The following VPS39 variants were observed in gnomAD, a reference collection of about 807,000 sequenced individuals.
VPS39 encodes the protein VPS39 subunit of HOPS complex.
In VPS39, 70 loss-of-function variants were observed where a neutral mutation model predicts 121.0. The ratio of observed to expected loss-of-function variants is 0.58; its 90% CI spans 0.48 to 0.71. The LOEUF (loss-of-function observed/expected upper bound fraction) is 0.71, where lower values mean the gene tolerates loss of function less well. Ranked by LOEUF, VPS39 falls within the 30% of genes least tolerant of loss-of-function variation. VPS39 has a pLI of 0.00. For missense variants in VPS39, 818 were observed against 1,051.5 expected (o/e 0.78, Z 3.07); for synonymous variants, 378 against 398.1 (o/e 0.95, Z 0.60).
chr15:42,182,132 T>A (rs2049594127), intron 8 of VPS39, among the ~76,000 whole-genome samples: 1 of 152,262 alleles, frequency 6.6e-6, no homozygotes, highest in African/African-American at 2.4e-5. Flanking sequence ...ACTTGAGAAC[T>A]AAGTTATATT....
At chr15:42,183,314 C>A (rs2049627044) in intron 8 of VPS39, among the ~76,000 whole-genome samples, 1 of 151,506 alleles carries the variant, frequency 6.6e-6, no homozygotes. Context: ...GTTGCCCAGG[C>A]TGATTGTGAA....
Position 42,167,485 on chromosome 15 carries a change from G to A in VPS39, c.1286C>T (p.Thr429Ile), listed in dbSNP as rs143159485. ...KLNDSDHQSSTSPLMEGTPTI... is the reference protein window; with the variant it reads ...KLNDSDHQSSISPLMEGTPTI... Reference sequence around the variant, plus strand: ...GGGAGTGCCTTCCATGAGCGGTGAGGTGCTTGACTGGTGATCAGAGTCATT... The same window carrying A: ...GGGAGTGCCTTCCATGAGCGGTGAGATGCTTGACTGGTGATCAGAGTCATT... Residue 429 changes from threonine to isoleucine, a missense_variant, in exon 13 of 25, where the codon ACC becomes ATC. Physicochemically the swap from Thr to Ile is moderately conservative, Grantham distance 89. Transcript: ENST00000318006. 1 of 1,614,128 alleles carries A rather than the reference G, an allele frequency of 6.2e-7. No individual in the cohort carries two copies. The highest frequency in any genetic ancestry group is 1.3e-5 in the African/African-American group (1 of 75,008).
Position 42,199,981 on chromosome 15 carries a change from C to CAAAACA in VPS39, c.74-21_74-20insTGTTTT, listed in dbSNP as rs1555402258. 5.3e-4 allele frequency: 784 copies of CAAAACA among 1,475,960 alleles called. 2 individuals carry two copies. In the African/African-American group the frequency reaches 0.011, roughly 20 times the overall value. The allele number at this position is 1,475,960 out of a possible 1,614,324, so 91.4% of individuals were successfully genotyped here. Reference sequence around the variant, plus strand: ...ATTCCTCTGGAAAAACAAAACAAAACAAAAACAAAAACAAAAAAAAACCAG... The same window carrying CAAAACA: ...ATTCCTCTGGAAAAACAAAACAAAACAAAACAAAAAACAAAAACAAAAAAAAACCAG... On this transcript the variant is annotated intron_variant, in intron 1 of 24. Coordinates refer to ENST00000318006, the MANE Select transcript of VPS39 (RefSeq NM_015289.5).
In VPS39 at chr15:42,183,091, C is replaced by T. The variant is rs1429747308; in HGVS notation, c.718+1426G>A. Among the ~76,000 whole-genome samples, 3 of 151,320 alleles carry T rather than the reference C, an allele frequency of 2.0e-5. No individual in the cohort carries two copies. In the East Asian group the frequency reaches 5.8e-4, roughly 29 times the overall value. ...CACAACCAGAACAATCACCCTAGAA[C>T]ATGATGTGTTTTTTGTTTTTTTTTT... On this transcript the variant is annotated intron_variant, in intron 8 of 24. Transcript: ENST00000318006.
At chr15:42,161,968 T>G in intron 23 of VPS39, 64 bp downstream of exon 23, 1 of 1,607,854 alleles carries the variant, frequency 6.2e-7, no homozygotes, top group Non-Finnish European at 8.5e-7. Context: ...GAAGGGAACA[T>G]GTGGACATTG....
chr15:42,207,078 C>T (rs903248934), intron 1 of VPS39, among the ~76,000 whole-genome samples: 3 of 152,232 alleles, frequency 2.0e-5, no homozygotes, highest in South Asian at 4.2e-4. Flanking sequence ...GAAAATTCTT[C>T]GTGAAAGAAC....
chr15:42,199,864 CTT>C (rs781126922), intron 2 of VPS39, 30 bp downstream of exon 2: 1 of 1,556,984 alleles, frequency 6.4e-7, no homozygotes, highest in East Asian at 2.4e-5. Context: ...ACTATTAAAA[CTT>C]ATTTTTTTGC....
rs2049239303 is a variant in VPS39 at position 42,166,207 on chromosome 15, G to GA, written c.1631dup (p.Ser545LeufsTer20). ...CTCTCAGCACCCACACTGAGTAGGA[G>GA]AAAATCAAATGCAGGTTTTCTGTGC... On this transcript the variant is annotated frameshift_variant, in exon 16 of 25. Transcript: ENST00000318006. LOFTEE classifies it high-confidence loss of function. 1 of 1,614,118 alleles carries GA rather than the reference G, an allele frequency of 6.2e-7. No homozygotes were observed. The highest frequency in any genetic ancestry group is 8.5e-7 in the Non-Finnish European group (1 of 1,180,052).
chr15:42,178,120 C>T (rs2049494235), intron 10 of VPS39, 98 bp downstream of exon 10: 6 of 1,543,500 alleles, frequency 3.9e-6, no homozygotes, highest in Admixed American at 1.8e-5. Context: ...CAGCTATGTG[C>T]TTATTCTACT....
chr15:42,192,315 T>C (rs2049845664), intron 2 of VPS39, among the ~76,000 whole-genome samples: 2 of 152,198 alleles, frequency 1.3e-5, no homozygotes, highest in South Asian at 4.1e-4. Flanking sequence ...AACTCACAAC[T>C]ACTCCCAAGA....
intron 11 of VPS39, among the ~76,000 whole-genome samples, chr15:42,170,741 ATTTTTTTTTT>A (rs869280235): frequency 5.9e-4 from 30 of 50,484 alleles, no homozygotes; most frequent in Admixed American, 3.8e-3. Context: ...ATGCTCGCAG[ATTTTTTTTTT>A]TTTTTTTTTT....
intron 18 of VPS39, 76 bp downstream of exon 18, chr15:42,164,920 C>T (rs2140837272): frequency 1.3e-6 from 2 of 1,590,696 alleles, no homozygotes; most frequent in East Asian, 2.2e-5. Context: ...CCTGCTTACC[C>T]CCACCACACG....
intron 12 of VPS39, among the ~76,000 whole-genome samples, chr15:42,168,875 C>T (rs1175516276): frequency 6.6e-6 from 1 of 152,148 alleles, no homozygotes; most frequent in Non-Finnish European, 1.5e-5. Context: ...TACCCTAGAG[C>T]ATTCTGGAGA....
At chr15:42,184,149 A>G (rs2049651187) in intron 8 of VPS39, 1 of 158,610 alleles carries the variant, frequency 6.3e-6, no homozygotes, top group African/African-American at 2.4e-5. Flanking sequence ...CTCATACTAT[A>G]GGAATACACA....
intron 8 of VPS39, among the ~76,000 whole-genome samples, chr15:42,183,238 C>CA (rs75819224): frequency 0.048 from 7,350 of 151,756 alleles, 429 homozygotes; most frequent in African/African-American, 0.12. Flanking sequence ...GCTGGGACCA[C>CA]AGGCACACAC....
chr15:42,165,688 C>T (rs754802687), intron 17 of VPS39, 30 bp downstream of exon 17: 3 of 1,588,794 alleles, frequency 1.9e-6, no homozygotes, highest in Non-Finnish European at 2.6e-6. Context: ...GGGTTTAAAG[C>T]TTTTTAGTGC....
chr15:42,200,042 AT>A (rs1413882974), intron 1 of VPS39, 81 bp from the exon 2 acceptor site: 12 of 1,317,982 alleles, frequency 9.1e-6, no homozygotes, highest in South Asian at 5.2e-5. Flanking sequence ...GTATAACCCT[AT>A]TTTTTTAGCT....
In VPS39 at chr15:42,173,753, A is replaced by C. The variant is rs2049392656; in HGVS notation, c.1060T>G (p.Ser354Ala). ...NLFCQKRFDESMQVFAKLGTD... is the reference protein window; with the variant it reads ...NLFCQKRFDEAMQVFAKLGTD... ...CCAAGTTTAGCAAAGACCTGCATGG[A>C]CTCATCAAAACGCTTCTGGCAGAAG... The change falls in exon 11 of 25, where the codon TCC becomes GCC. Residue 354 changes from serine to alanine, a missense_variant. Ser to Ala is a moderately conservative substitution (Grantham distance 99). Transcript: ENST00000318006. 6.2e-7 allele frequency: 1 copy of C among 1,614,116 alleles called. No individual in the cohort carries two copies. The highest frequency in any genetic ancestry group is 8.5e-7 in the Non-Finnish European group (1 of 1,179,996).
chr15:42,190,223 A>C (rs984816577), intron 4 of VPS39, among the ~76,000 whole-genome samples: 1 of 152,228 alleles, frequency 6.6e-6, no homozygotes, highest in Non-Finnish European at 1.5e-5. Flanking sequence ...CAATTAGAAA[A>C]GGGAAATCCC....
Sources: allele counts gnomAD v4.1 joint callset (sites outside exome capture counted in the v4.1 genomes callset), GRCh38; gene constraint gnomAD v4.1.1; transcripts MANE v1.5; gene names NCBI Gene and HGNC (gene_info 2026-07-23, HGNC 2026-07-21).